EYA2: variants seen among roughly 807,000 people sequenced by gnomAD.
EYA2 encodes protein phosphatase EYA2.
EYA2 carries 31 observed loss-of-function variants against 69.2 expected under a neutral mutation model. That is an observed-to-expected ratio of 0.45 (90% CI 0.34 to 0.60). EYA2 has a LOEUF of 0.60. EYA2 is among the 20% of genes least tolerant of loss of function. The pLI is 0.02. For synonymous variants in EYA2, 257 were observed against 279.4 expected (o/e 0.92, Z 0.80); for missense variants, 622 against 701.2 (o/e 0.89, Z 1.28).
At chr20:47,154,811 A>G (rs1273418897) in intron 10 of EYA2, among the ~76,000 whole-genome samples, 2 of 103,860 alleles carry the variant, frequency 1.9e-5, no homozygotes, top group Non-Finnish European at 4.0e-5. Context: ...GTTTTTGTTT[A>G]TTTTGTTTTG....
chr20:47,112,197 A>G lies in EYA2; in HGVS notation c.888+15029A>G, dbSNP rs1208084777. Reference sequence around the variant, plus strand: ...GAGGAAAAGAGAATGAGAAGGATACATATGTGCGGTAAAGGTAGCAAGAAG... The same window carrying G: ...GAGGAAAAGAGAATGAGAAGGATACGTATGTGCGGTAAAGGTAGCAAGAAG... On this transcript the variant is annotated intron_variant, in intron 9 of 15. Coordinates refer to ENST00000327619, the MANE Select transcript of EYA2 (RefSeq NM_005244.5). 2.6e-5 allele frequency among the ~76,000 whole-genome samples: 4 copies of G among 152,168 alleles called. No individual in the cohort carries two copies. The East Asian group carries it at 7.7e-4, about 29-fold the overall frequency.
intron 9 of EYA2, among the ~76,000 whole-genome samples, chr20:47,104,715 C>T (rs897617519): frequency 2.0e-5 from 3 of 152,172 alleles, no homozygotes; most frequent in Non-Finnish European, 4.4e-5. Flanking sequence ...ATTGTCTCAA[C>T]ATCCTGTCAG....
rs76968429 is a variant in EYA2, at chr20:47,124,403, T to C, written c.889-18656T>C. On this transcript the variant is annotated intron_variant, in intron 9 of 15. Coordinates refer to ENST00000327619, the MANE Select transcript of EYA2 (RefSeq NM_005244.5). Reference sequence around the variant, plus strand: ...AGTATCTTTTAAAGAGCTGCATCTTTAGAAGCACATTGCTGGTTATGTAAG... The same window carrying C: ...AGTATCTTTTAAAGAGCTGCATCTTCAGAAGCACATTGCTGGTTATGTAAG... Among the ~76,000 whole-genome samples the C allele has an allele frequency of 9.7e-3, 1,479 of 152,328 alleles. 19 individuals carry two copies. The highest frequency in any genetic ancestry group is 0.033 in the African/African-American group (1,352 of 41,558).
chr20:47,012,742 C>T (rs1370056522), intron 4 of EYA2, among the ~76,000 whole-genome samples: 6 of 152,208 alleles, frequency 3.9e-5, no homozygotes, highest in Non-Finnish European at 8.8e-5. Context: ...GATCCACCCA[C>T]CTCAGCCTCC....
Position 47,029,368 on chromosome 20 carries a change from C to T in EYA2, c.415+13071C>T, listed in dbSNP as rs759591192. ...AACTTTGCCTGGCCACCCTGTAGCT[C>T]GCCAGTTACTTTGATGGGCAGCCAT... is the stretch of plus-strand genomic sequence containing the variant. On this transcript the variant is annotated intron_variant, in intron 5 of 15. Coordinates refer to ENST00000327619, the MANE Select transcript of EYA2 (RefSeq NM_005244.5). 3.3e-5 allele frequency among the ~76,000 whole-genome samples: 5 copies of T among 152,190 alleles called. No individual in the cohort carries two copies. The South Asian group carries it at 6.2e-4, about 19-fold the overall frequency.
intron 10 of EYA2, among the ~76,000 whole-genome samples, chr20:47,147,471 T>C (rs2033726206): frequency 6.6e-6 from 1 of 152,060 alleles, no homozygotes; most frequent in African/African-American, 2.4e-5. Flanking sequence ...TGATTAGAGT[T>C]GATGGGCTCC....
intron 9 of EYA2, among the ~76,000 whole-genome samples, chr20:47,136,245 C>G (rs2033469242): frequency 6.6e-6 from 1 of 152,084 alleles, no homozygotes; most frequent in African/African-American, 2.4e-5. Flanking sequence ...TGATAGAAAA[C>G]AACTGTTTAG....
chr20:47,139,614 G>A (rs1183487786), intron 9 of EYA2, among the ~76,000 whole-genome samples: 1 of 152,048 alleles, frequency 6.6e-6, no homozygotes, highest in Non-Finnish European at 1.5e-5. Flanking sequence ...ACTTTTAGTG[G>A]AGACGGGGTT....
At chr20:46,958,748 T>A (rs1345399549) in intron 1 of EYA2, among the ~76,000 whole-genome samples, 1 of 152,194 alleles carries the variant, frequency 6.6e-6, no homozygotes, top group Non-Finnish European at 1.5e-5. Context: ...TGTGTCCATG[T>A]ATTCTCATCA....
At chr20:47,016,379 G>A (rs1478122426) in intron 5 of EYA2, 82 bp downstream of exon 5, 1 of 1,047,934 alleles carries the variant, frequency 9.5e-7, no homozygotes, top group Non-Finnish European at 1.5e-6. Context: ...TCATTCAGCA[G>A]ATTTTTTGAG....
chr20:47,187,369 A>G (rs931467241), intron 15 of EYA2, among the ~76,000 whole-genome samples: 5 of 151,914 alleles, frequency 3.3e-5, no homozygotes, highest in Non-Finnish European at 7.4e-5. Context: ...AAGAAAGAAA[A>G]AAAAAACTCC....
chr20:46,948,698 C>A (rs748424311), intron 1 of EYA2, among the ~76,000 whole-genome samples: 1 of 152,084 alleles, frequency 6.6e-6, no homozygotes, highest in Admixed American at 6.5e-5. Context: ...TGGAAAAAAA[C>A]AAAATAAAAT....
At chr20:46,984,952 A>G (rs1231358701) in intron 1 of EYA2, among the ~76,000 whole-genome samples, 1 of 152,244 alleles carries the variant, frequency 6.6e-6, no homozygotes, top group Non-Finnish European at 1.5e-5. Context: ...GCATCCAGTA[A>G]CATACACATG....
chr20:47,025,043 A>C (rs1428182034), intron 5 of EYA2, among the ~76,000 whole-genome samples: 1 of 152,132 alleles, frequency 6.6e-6, no homozygotes, highest in Non-Finnish European at 1.5e-5. Context: ...CTAATTTTGC[A>C]ATTCCTGCCA....
chr20:47,113,597 G>A (rs190408524), intron 9 of EYA2, among the ~76,000 whole-genome samples: 1 of 152,348 alleles, frequency 6.6e-6, no homozygotes, highest in East Asian at 1.9e-4. Flanking sequence ...ACTCGGGGCT[G>A]TCTGCTCTGA....
intron 4 of EYA2, among the ~76,000 whole-genome samples, chr20:47,008,083 C>T (rs185546087): frequency 3.0e-4 from 45 of 152,266 alleles, no homozygotes; most frequent in Admixed American, 2.7e-3. Flanking sequence ...CACATGTAGA[C>T]AGAATCAAGA....
At chr20:47,066,589 A>C (rs2031116445) in intron 5 of EYA2, among the ~76,000 whole-genome samples, 1 of 152,168 alleles carries the variant, frequency 6.6e-6, no homozygotes, top group Non-Finnish European at 1.5e-5. Context: ...AGATGGCCCC[A>C]TTCCATGGAG....
Position 47,149,586 on chromosome 20 carries a change from G to A in EYA2, c.978+6438G>A, listed in dbSNP as rs145357090. Among the ~76,000 whole-genome samples, 808 of 150,928 alleles carry A rather than the reference G, an allele frequency of 5.4e-3. 27 individuals are homozygous for A. In the East Asian group the frequency reaches 0.085, roughly 16 times the overall value. On this transcript the variant is annotated intron_variant, in intron 10 of 15. Coordinates refer to ENST00000327619, the MANE Select transcript of EYA2 (RefSeq NM_005244.5). ...GGGCCAGGCACGATGGCTCATGCCT[G>A]TAATCCCAGCACTTTGGGAGGCTGA... is the stretch of plus-strand genomic sequence containing the variant.
At chr20:46,968,846 G>C (rs1039204995) in intron 1 of EYA2, among the ~76,000 whole-genome samples, 2 of 152,068 alleles carry the variant, frequency 1.3e-5, no homozygotes, top group African/African-American at 4.8e-5. Flanking sequence ...CAGTCACCTG[G>C]GTCGCTCTGT....
Sources: allele counts gnomAD v4.1 joint callset (sites outside exome capture counted in the v4.1 genomes callset), GRCh38; gene constraint gnomAD v4.1.1; transcripts MANE v1.5; gene names NCBI Gene and HGNC (gene_info 2026-07-23, HGNC 2026-07-21).